Variants in CLSTN2 observed in about 807,000 individuals in gnomAD.
CLSTN2 encodes calsyntenin-2.
CLSTN2 carries 48 observed loss-of-function variants against 101.2 expected under a neutral mutation model. The ratio of observed to expected loss-of-function variants is 0.47; its 90% CI spans 0.38 to 0.60. The LOEUF (loss-of-function observed/expected upper bound fraction) is 0.60, where lower values mean the gene tolerates loss of function less well. Ranked by LOEUF, CLSTN2 falls within the 20% of genes least tolerant of loss-of-function variation. The pLI is 0.00. For missense variants in CLSTN2, 1,160 were observed against 1,238.2 expected, an observed-to-expected ratio of 0.94 and a Z score of 0.95; for synonymous variants, 481 against 463.6, an observed-to-expected ratio of 1.04 and a Z score of -0.48.
At position 140,571,240 on chromosome 3, in the gene CLSTN2, T is replaced by C. The variant is rs1186045603; in HGVS notation, c.*4987T>C. On this transcript the variant is annotated 3_prime_UTR_variant, in exon 17 of 17. Transcript: ENST00000458420. ...TTGCTCTAAAAATGATCCTAAAGACTTGTGACTGTTTGAATCAATAGCAAC... is the reference window on the plus strand; with the variant it reads ...TTGCTCTAAAAATGATCCTAAAGACCTGTGACTGTTTGAATCAATAGCAAC... The C allele has an allele frequency of 6.6e-6, 1 of 152,204 alleles. No homozygotes were observed. Among genetic ancestry groups the C allele is most frequent in the African/African-American group, 2.4e-5 (1 of 41,452 alleles). The allele number at this position is 152,204 out of a possible 1,614,324, so 9.4% of individuals were successfully genotyped here. A position where few individuals can be genotyped will look rare whatever the true frequency, so the allele number is the denominator to read the frequency against.
intron 1 of CLSTN2, among the ~76,000 whole-genome samples, chr3:139,981,310 T>C (rs1408397943): frequency 2.0e-5 from 3 of 152,222 alleles, no homozygotes; most frequent in African/African-American, 7.2e-5. Flanking sequence ...AGCTCTGTTC[T>C]AGGCAGTAGG....
At position 140,563,242 on chromosome 3, in the gene CLSTN2, C is replaced by G. The variant is rs4683509; in HGVS notation, c.2482+39C>G. ...GAGGAGGGACCCTCAGGACACAGGTCGTCATTGTGACTCAAGATTATCTAC... is the reference window on the plus strand; with the variant it reads ...GAGGAGGGACCCTCAGGACACAGGTGGTCATTGTGACTCAAGATTATCTAC... On this transcript the variant is annotated intron_variant, in intron 15 of 16. Transcript: ENST00000458420. 0.73 allele frequency: 1,171,858 copies of G among 1,600,426 alleles called. 447,105 individuals are homozygous for G. The highest frequency in any genetic ancestry group is 0.83 in the Middle Eastern group (4,777 of 5,784).
At chr3:140,477,800 C>T (rs1400875518) in intron 8 of CLSTN2, among the ~76,000 whole-genome samples, 3 of 152,218 alleles carry the variant, frequency 2.0e-5, no homozygotes, top group African/African-American at 4.8e-5. Context: ...TCAGCAGAAA[C>T]TCACAGAAAT....
chr3:140,459,889 A>T, intron 7 of CLSTN2, 120 bp downstream of exon 7: 21 of 1,065,994 alleles, frequency 2.0e-5, no homozygotes, highest in Admixed American at 1.2e-4. Context: ...GCCTGAGAGG[A>T]ACCCTGCCAA....
At chr3:140,237,109 G>T (rs1181631390) in intron 2 of CLSTN2, among the ~76,000 whole-genome samples, 2 of 152,028 alleles carry the variant, frequency 1.3e-5, no homozygotes, top group Non-Finnish European at 2.9e-5. Context: ...TTAGTTAGTA[G>T]ATTTTTATGC....
intron 12 of CLSTN2, among the ~76,000 whole-genome samples, chr3:140,559,251 C>T (rs1459337566): frequency 6.6e-6 from 1 of 151,836 alleles, no homozygotes; most frequent in East Asian, 1.9e-4. Flanking sequence ...AACGAGAGCC[C>T]GTTTGTTTCT....
chr3:140,396,834 T>C (rs1245339187), intron 2 of CLSTN2, among the ~76,000 whole-genome samples: 2 of 152,244 alleles, frequency 1.3e-5, no homozygotes, highest in African/African-American at 4.8e-5. Flanking sequence ...GTCATGTTTT[T>C]AGCATCAGGA....
At chr3:140,363,494 A>G (rs988830779) in intron 2 of CLSTN2, among the ~76,000 whole-genome samples, 2 of 152,262 alleles carry the variant, frequency 1.3e-5, no homozygotes, top group Admixed American at 1.3e-4. Flanking sequence ...AAATACTTCA[A>G]TGAAATTGCT....
chr3:139,982,753 T>C (rs1044620975), intron 1 of CLSTN2, among the ~76,000 whole-genome samples: 1 of 152,136 alleles, frequency 6.6e-6, no homozygotes, highest in African/African-American at 2.4e-5. Flanking sequence ...GCATGTAACC[T>C]GAATAGAATA....
intron 2 of CLSTN2, among the ~76,000 whole-genome samples, chr3:140,213,013 C>A (rs1559808017): frequency 6.6e-6 from 1 of 152,180 alleles, no homozygotes; most frequent in South Asian, 2.1e-4. Context: ...TGGATATTGG[C>A]AAATAAATGA....
chr3:140,415,506 A>C (rs1389474238), intron 4 of CLSTN2, among the ~76,000 whole-genome samples: 3 of 151,074 alleles, frequency 2.0e-5, no homozygotes, highest in Non-Finnish European at 4.4e-5. Context: ...AAAAAAAAAA[A>C]AAAACAAACT....
chr3:140,242,637 C>T (rs1042163258), intron 2 of CLSTN2, among the ~76,000 whole-genome samples: 1 of 152,160 alleles, frequency 6.6e-6, no homozygotes, highest in Non-Finnish European at 1.5e-5. Context: ...GACACTCAGC[C>T]ATCACCTTCT....
At chr3:139,957,774 G>A (rs1482287078) in intron 1 of CLSTN2, among the ~76,000 whole-genome samples, 1 of 152,160 alleles carries the variant, frequency 6.6e-6, no homozygotes, top group African/African-American at 2.4e-5. Context: ...GCTAGTTTGG[G>A]CACAAGCTAA....
At chr3:140,448,925 C>T (rs1933167059) in intron 6 of CLSTN2, among the ~76,000 whole-genome samples, 1 of 152,098 alleles carries the variant, frequency 6.6e-6, no homozygotes, top group African/African-American at 2.4e-5. Context: ...GTTATGTGGC[C>T]TTGGGCAAGT....
At chr3:140,303,322 C>G (rs1306392528) in intron 2 of CLSTN2, among the ~76,000 whole-genome samples, 1 of 152,118 alleles carries the variant, frequency 6.6e-6, no homozygotes, top group Non-Finnish European at 1.5e-5. Flanking sequence ...CTCCTGTGTG[C>G]CTGGCACAAT....
At chr3:140,397,566 C>T (rs547149312) in intron 2 of CLSTN2, among the ~76,000 whole-genome samples, 1 of 152,006 alleles carries the variant, frequency 6.6e-6, no homozygotes, top group Non-Finnish European at 1.5e-5. Context: ...GCACTGACAC[C>T]TTCAGTGTCT....
At chr3:140,519,399 C>T (rs1022294156) in intron 8 of CLSTN2, among the ~76,000 whole-genome samples, 12 of 152,148 alleles carry the variant, frequency 7.9e-5, no homozygotes, top group African/African-American at 2.9e-4. Flanking sequence ...TCTCTGTGAT[C>T]TAATATTGGT....
rs145693681 is a variant in CLSTN2, at chr3:139,944,893, G to A, written c.109+9410G>A. ...TTAAAATACTCGCTTCCGCACATGC[G>A]TCAAGAGAACATTAACCACCTTGAA... On this transcript the variant is annotated intron_variant, in intron 1 of 16. Transcript: ENST00000458420. Among the ~76,000 whole-genome samples the A allele has an allele frequency of 4.9e-4, 74 of 152,318 alleles. 1 individual carries two copies. The East Asian group carries it at 0.012, about 25-fold the overall frequency.
chr3:140,061,154 G>A (rs965448022), intron 1 of CLSTN2, among the ~76,000 whole-genome samples: 1 of 152,150 alleles, frequency 6.6e-6, no homozygotes, highest in Non-Finnish European at 1.5e-5. Flanking sequence ...ACTAATGTTG[G>A]TCATTTTCTC....
Sources: gnomAD v4.1 joint callset for allele counts (sites outside exome capture counted in the v4.1 genomes callset) on GRCh38, gnomAD v4.1.1 for gene constraint, MANE v1.5 for transcripts, NCBI Gene and HGNC (gene_info 2026-07-23, HGNC 2026-07-21) for gene names.